VTA1: variants seen among roughly 807,000 people sequenced by gnomAD.
VTA1 encodes vacuolar protein sorting-associated protein VTA1 homolog.
In VTA1, 24 loss-of-function variants were observed where a neutral mutation model predicts 36.9. The ratio of observed to expected loss-of-function variants is 0.65; its 90% CI spans 0.47 to 0.91. The LOEUF (loss-of-function observed/expected upper bound fraction) is 0.91, where lower values mean the gene tolerates loss of function less well. Among genes scored for constraint, VTA1 ranks in the 40% least tolerant of loss-of-function variants. The pLI is 0.00. For missense variants in VTA1, 393 were observed against 377.2 expected, an observed-to-expected ratio of 1.04 and a Z score of -0.35; for synonymous variants, 142 against 130.2, an observed-to-expected ratio of 1.09 and a Z score of -0.62.
intron 1 of VTA1, among the ~76,000 whole-genome samples, chr6:142,163,108 G>A (rs1038023950): frequency 1.6e-4 from 24 of 152,236 alleles, no homozygotes; most frequent in African/African-American, 5.5e-4. Flanking sequence ...AGTAAAGTAA[G>A]GATTTACTCT....
intron 7 of VTA1, among the ~76,000 whole-genome samples, chr6:142,214,839 A>G (rs979960888): frequency 1.1e-4 from 16 of 152,168 alleles, no homozygotes; most frequent in African/African-American, 3.9e-4. Flanking sequence ...TGAACTTAAA[A>G]CTGCTCTAAA....
chr6:142,185,592 G>A (rs1210554295), intron 4 of VTA1, among the ~76,000 whole-genome samples: 1 of 152,134 alleles, frequency 6.6e-6, no homozygotes, highest in African/African-American at 2.4e-5. Flanking sequence ...AATTGCTCAG[G>A]ATTTTGAAAA....
intron 1 of VTA1, among the ~76,000 whole-genome samples, chr6:142,165,553 A>G (rs1248682919): frequency 6.6e-6 from 1 of 152,230 alleles, no homozygotes; most frequent in Non-Finnish European, 1.5e-5. Context: ...GTAGAACATT[A>G]GCACTGACAC....
chr6:142,166,897 A>G (rs1774928181), intron 2 of VTA1, among the ~76,000 whole-genome samples: 1 of 152,180 alleles, frequency 6.6e-6, no homozygotes. Flanking sequence ...AAGTGCTGGG[A>G]TTACAGGCAT....
chr6:142,188,682 T>TA (rs1775393689), intron 4 of VTA1, among the ~76,000 whole-genome samples: 1 of 152,206 alleles, frequency 6.6e-6, no homozygotes, highest in African/African-American at 2.4e-5. Flanking sequence ...GATGCCACTA[T>TA]AAAGGTCAGT....
At chr6:142,193,619 T>C (rs1443355747) in intron 5 of VTA1, among the ~76,000 whole-genome samples, 2 of 152,098 alleles carry the variant, frequency 1.3e-5, no homozygotes, top group Admixed American at 6.6e-5. Context: ...TATAATTCAT[T>C]ACTCATTATT....
intron 7 of VTA1, among the ~76,000 whole-genome samples, chr6:142,211,936 C>T (rs930378107): frequency 6.6e-6 from 1 of 152,110 alleles, no homozygotes; most frequent in East Asian, 1.9e-4. Flanking sequence ...CCGCATATAT[C>T]ATCAGGAAAA....
chr6:142,194,553 A>G (rs918852836), intron 5 of VTA1, among the ~76,000 whole-genome samples: 1 of 152,064 alleles, frequency 6.6e-6, no homozygotes, highest in Non-Finnish European at 1.5e-5. Flanking sequence ...TTGGTTTTCC[A>G]GTCGTTAGCT....
chr6:142,198,163 G>A (rs190313573), intron 5 of VTA1, among the ~76,000 whole-genome samples: 3,826 of 66,738 alleles, frequency 0.057, 22 homozygotes, highest in Middle Eastern at 0.16. Flanking sequence ...GTGTGTGTGT[G>A]TATATGTGTG....
chr6:142,173,460 G>C (rs559834820), intron 4 of VTA1, among the ~76,000 whole-genome samples: 1 of 152,126 alleles, frequency 6.6e-6, no homozygotes, highest in Non-Finnish European at 1.5e-5. Context: ...TAGTAGAGAC[G>C]GGGTTTCACT....
Position 142,211,567 on chromosome 6 carries a change from C to T in VTA1, c.779-6931C>T, listed in dbSNP as rs994425424. ...TCTACTAAAAATACAAAAAATTAGC[C>T]GGGCGCGGTGGCAGGCGCCTCTAAT... On this transcript the variant is annotated intron_variant, in intron 7 of 7. Coordinates refer to ENST00000367630, the MANE Select transcript of VTA1 (RefSeq NM_016485.5). Among the ~76,000 whole-genome samples the T allele has an allele frequency of 3.9e-4, 60 of 151,934 alleles. 2 individuals carry two copies. Among genetic ancestry groups the T allele is most frequent in the Non-Finnish European group, 5.9e-5 (4 of 67,960 alleles).
intron 7 of VTA1, 139 bp from the exon 8 acceptor site, chr6:142,218,359 G>A (rs1344810457): frequency 1.2e-6 from 1 of 842,248 alleles, no homozygotes; most frequent in African/African-American, 1.8e-5. Flanking sequence ...ATGTATCAAA[G>A]TTCATGTGAG....
chr6:142,204,102 T>C, intron 7 of VTA1, 37 bp downstream of exon 7: 1 of 1,585,038 alleles, frequency 6.3e-7, no homozygotes, highest in East Asian at 2.2e-5. Context: ...TACATTTATC[T>C]CCTGTTTTGG....
intron 4 of VTA1, among the ~76,000 whole-genome samples, chr6:142,181,473 A>ATATATATG (rs1491432773): frequency 2.9e-4 from 41 of 141,630 alleles, no homozygotes; most frequent in African/African-American, 1.0e-3. Context: ...ATATATATAT[A>ATATATATG]TGTATATGTA....
chr6:142,187,527 T>A (rs1190421754), intron 4 of VTA1, among the ~76,000 whole-genome samples: 1 of 152,160 alleles, frequency 6.6e-6, no homozygotes, highest in East Asian at 1.9e-4. Flanking sequence ...CCTTTTGTGT[T>A]ACTGGAGAAT....
chr6:142,153,311 A>G (rs1439143447), intron 1 of VTA1, among the ~76,000 whole-genome samples: 1 of 152,050 alleles, frequency 6.6e-6, no homozygotes, highest in African/African-American at 2.4e-5. Context: ...TTATCTGTCG[A>G]TTGAGTAAAC....
intron 6 of VTA1, among the ~76,000 whole-genome samples, chr6:142,199,512 C>T (rs1775636574): frequency 6.6e-6 from 1 of 152,136 alleles, no homozygotes; most frequent in Non-Finnish European, 1.5e-5. Context: ...CTGATTTCTA[C>T]TGTTCCTATT....
intron 4 of VTA1, among the ~76,000 whole-genome samples, chr6:142,182,337 A>C: frequency 6.6e-6 from 1 of 152,216 alleles, no homozygotes; most frequent in East Asian, 1.9e-4. Flanking sequence ...ATAGGAGATG[A>C]GAATGAGGGT....
intron 2 of VTA1, among the ~76,000 whole-genome samples, chr6:142,169,086 G>A (rs549669188): frequency 3.9e-5 from 6 of 151,938 alleles, no homozygotes; most frequent in Non-Finnish European, 7.4e-5. Context: ...ATTATTTTAC[G>A]ACATGATGAA....
Sources: allele counts gnomAD v4.1 joint callset (sites outside exome capture counted in the v4.1 genomes callset), GRCh38; gene constraint gnomAD v4.1.1; transcripts MANE v1.5; gene names NCBI Gene and HGNC (gene_info 2026-07-23, HGNC 2026-07-21).